The following FANCA variants were observed in gnomAD, a reference collection of about 807,000 sequenced individuals.
FANCA encodes the protein Fanconi anemia group A protein.
FANCA carries 236 observed loss-of-function variants against 194.3 expected under a neutral mutation model. That is an observed-to-expected ratio of 1.21 (90% CI 1.09 to 1.35). The LOEUF (loss-of-function observed/expected upper bound fraction) is 1.35, where lower values mean the gene tolerates loss of function less well. Ranked by LOEUF, FANCA falls within the 40% of genes most tolerant of loss-of-function variation. The pLI is 0.00. For missense variants in FANCA, 2,628 were observed against 1,813.9 expected (o/e 1.45, Z -8.15); for synonymous variants, 1,014 against 715.8 (o/e 1.42, Z -6.65).
intron 1 of FANCA, chr16:89,816,209 G>A (rs2041116292): frequency 7.3e-6 from 4 of 550,288 alleles, no homozygotes; most frequent in Admixed American, 5.6e-5. Flanking sequence ...GGGAGCCCGG[G>A]GACGGCTGGC....
chr16:89,740,599 G>A, intron 38 of FANCA: 3 of 586,806 alleles, frequency 5.1e-6, no homozygotes, highest in Non-Finnish European at 6.1e-6. Context: ...TCACACCACT[G>A]CACTCCAGCC....
In FANCA at chr16:89,792,666, G is replaced by C. The variant is rs186677967; in HGVS notation, c.1007-119C>G. On this transcript the variant is annotated intron_variant, in intron 11 of 42. Transcript: ENST00000389301. ...TCCCCGTGTGCGGCGACGAGAGAGTGTAGAAAGAAAGATACAAGACAAAGA... is the reference window on the plus strand; with the variant it reads ...TCCCCGTGTGCGGCGACGAGAGAGTCTAGAAAGAAAGATACAAGACAAAGA... The C allele has an allele frequency of 5.4e-5, 43 of 790,422 alleles. No individual in the cohort carries two copies. In the South Asian group the frequency reaches 5.7e-4, roughly 11 times the overall value. 49.0% of individuals were successfully genotyped at this position (790,422 alleles called of 1,614,324 possible).
At chr16:89,765,115 G>A in intron 27 of FANCA, 49 bp from the exon 28 acceptor site, 1 of 1,602,956 alleles carries the variant, frequency 6.2e-7, no homozygotes, top group East Asian at 2.2e-5. Flanking sequence ...AAGTTTCACT[G>A]TGAGTGGCTG....
At position 89,767,229 on chromosome 16, in the gene FANCA, G is replaced by A. The variant is rs1216922486; in HGVS notation, c.2513C>T (p.Thr838Ile). 1 of 1,610,434 alleles carries A rather than the reference G, an allele frequency of 6.2e-7. No homozygotes were observed. The highest frequency in any genetic ancestry group is 8.5e-7 in the Non-Finnish European group (1 of 1,176,818). ...DSLFFCLKFCTAAISYSLCKF... is the reference protein window; with the variant it reads ...DSLFFCLKFCIAAISYSLCKF... The stretch of plus-strand genomic sequence containing the variant: ...GCAGAGAGAGTAAGAAATTGCTGCT[G>A]TACAAAATCTGAAAACAGAAATTAT... The change falls in exon 27 of 43, where the codon ACA (threonine) becomes ATA (isoleucine). Residue 838 changes from threonine (T) to isoleucine (I), a missense_variant. Coordinates refer to ENST00000389301, the MANE Select transcript of FANCA (RefSeq NM_000135.4).
chr16:89,738,555 A>C lies in FANCA; in HGVS notation c.*46T>G. On this transcript the variant is annotated 3_prime_UTR_variant, in exon 43 of 43. Transcript: ENST00000389301. Reference sequence around the variant, plus strand: ...AAGAGCTCCATGTTATGCTTGTAATAAATTATTTACACGGGAGCTGGGCTG... The same window carrying C: ...AAGAGCTCCATGTTATGCTTGTAATCAATTATTTACACGGGAGCTGGGCTG... 1.9e-6 allele frequency: 3 copies of C among 1,611,650 alleles called. No individual in the cohort carries two copies. Among genetic ancestry groups the C allele is most frequent in the Non-Finnish European group, 2.5e-6 (3 of 1,179,352 alleles).
chr16:89,743,621 C>T (rs143491667), intron 36 of FANCA, among the ~76,000 whole-genome samples: 17 of 152,014 alleles, frequency 1.1e-4, no homozygotes, highest in South Asian at 4.2e-4. Flanking sequence ...GTCGGGAGTT[C>T]GAGACCAGCC....
At chr16:89,802,236 G>T (rs971994970) in intron 8 of FANCA, among the ~76,000 whole-genome samples, 1 of 150,846 alleles carries the variant, frequency 6.6e-6, no homozygotes, top group African/African-American at 2.4e-5. Flanking sequence ...CTGTAGCTGG[G>T]ACTACAGGCA....
Position 89,752,187 on chromosome 16 carries a change from A to G in FANCA, c.3017T>C (p.Leu1006Ser). The change falls in exon 31 of 43, where the codon TTG becomes TCG. Residue 1006 changes from leucine (L) to serine (S), a missense_variant. Coordinates refer to ENST00000389301, the MANE Select transcript of FANCA (RefSeq NM_000135.4). ...RSYDHSENSD[L>S]VFGGRTGNED... ...ATTTCCTGTGCGGCCACCAAAGACCAAATCAGAATTTTCTGAGTGGTCATA... is the reference window on the plus strand; with the variant it reads ...ATTTCCTGTGCGGCCACCAAAGACCGAATCAGAATTTTCTGAGTGGTCATA... The G allele has an allele frequency of 6.2e-7, 1 of 1,614,180 alleles. No homozygotes were observed. Among genetic ancestry groups the G allele is most frequent in the South Asian group, 1.1e-5 (1 of 91,090 alleles).
chr16:89,773,130 GC>G, intron 22 of FANCA, 140 bp downstream of exon 22: 1 of 723,606 alleles, frequency 1.4e-6, no homozygotes, highest in East Asian at 2.7e-5. Flanking sequence ...ACACCCGCCA[GC>G]CCGGGGTCAA....
rs542064386 is a variant in FANCA at position 89,805,386 on chromosome 16, G to A, written c.603C>T (p.Pro201=). The A allele has an allele frequency of 3.7e-6, 6 of 1,613,188 alleles. No individual in the cohort carries two copies. Among genetic ancestry groups the A allele is most frequent in the African/African-American group, 1.3e-5 (1 of 75,008 alleles). ...GCCACGATCCCACAGCATGCATGTC[G>A]GGATGGCTGGAGACACACACAGAGG... The part of the protein sequence containing the change: ...VSLQELLESH[P]DMHAVGSWLF... Residue 201 remains proline (P), a synonymous_variant, in exon 7 of 43, where the codon CCC becomes CCT. Transcript: ENST00000389301.
At chr16:89,802,106 C>T (rs778283920) in intron 8 of FANCA, among the ~76,000 whole-genome samples, 2 of 152,110 alleles carry the variant, frequency 1.3e-5, no homozygotes, top group African/African-American at 4.8e-5. Flanking sequence ...ATACACACAA[C>T]GGAATACTGG....
intron 24 of FANCA, 31 bp from the exon 25 acceptor site, chr16:89,770,290 T>A (rs1471186296): frequency 6.5e-7 from 1 of 1,531,906 alleles, no homozygotes; most frequent in Non-Finnish European, 8.9e-7. Context: ...CCATCAGTAC[T>A]AGCCATTCAG....
intron 26 of FANCA, among the ~76,000 whole-genome samples, chr16:89,769,051 G>C (rs971043049): frequency 1.1e-4 from 17 of 152,212 alleles, no homozygotes; most frequent in African/African-American, 4.1e-4. Flanking sequence ...CCGCACAGCT[G>C]CCATCTGACT....
chr16:89,769,150 C>T (rs1353405422), intron 26 of FANCA, among the ~76,000 whole-genome samples: 3 of 152,206 alleles, frequency 2.0e-5, no homozygotes, highest in East Asian at 3.8e-4. Context: ...TCCCCTTTCC[C>T]GCACAGGGTC....
At chr16:89,742,124 G>A (rs1458522022) in intron 37 of FANCA, among the ~76,000 whole-genome samples, 3 of 151,896 alleles carry the variant, frequency 2.0e-5, no homozygotes, top group Non-Finnish European at 2.9e-5. Context: ...TTGTAGGTGC[G>A]CACCACCACA....
At position 89,805,326 on chromosome 16, in the gene FANCA, CATCT is replaced by C; in HGVS notation, c.659_662del (p.Gln220ArgfsTer24). 6.2e-7 allele frequency: 1 copy of C among 1,614,030 alleles called. No homozygotes were observed. The highest frequency in any genetic ancestry group is 1.7e-5 in the Admixed American group (1 of 59,992). Reference sequence around the variant, plus strand: ...CGTCAGCATGCTGGCAGGATGCTTCCATCTGTTCACAAAGGCAGCACAGATTCCT... The same window carrying C: ...CGTCAGCATGCTGGCAGGATGCTTCCGTTCACAAAGGCAGCACAGATTCCT... On this transcript the variant is annotated frameshift_variant, in exon 7 of 43. Coordinates refer to ENST00000389301, the MANE Select transcript of FANCA (RefSeq NM_000135.4). LOFTEE classifies it high-confidence loss of function.
Position 89,771,747 on chromosome 16 carries a change from G to A in FANCA, c.2082C>T (p.Asp694=), listed in dbSNP as rs772419333. The change falls in exon 23 of 43, where the codon GAC becomes GAT. Residue 694 remains aspartate (D), a synonymous_variant. Transcript: ENST00000389301. Reference sequence around the variant, plus strand: ...GAATCTTTGATATCTCAACGCTGCTGTCATCCTCATTGTGGCCCAGGACAG... The same window carrying A: ...GAATCTTTGATATCTCAACGCTGCTATCATCCTCATTGTGGCCCAGGACAG... ...LRAVLGHNED[D]SSVEISKIQL... is the part of the protein sequence containing the mutation. The A allele has an allele frequency of 7.4e-6, 12 of 1,614,052 alleles. No individual in the cohort carries two copies. The highest frequency in any genetic ancestry group is 6.7e-5 in the Admixed American group (4 of 59,994).
At chr16:89,739,333 A>T in intron 40 of FANCA, 44 bp from the exon 41 acceptor site, 2 of 1,612,042 alleles carry the variant, frequency 1.2e-6, no homozygotes, top group Non-Finnish European at 1.7e-6. Flanking sequence ...GACTGCTGGA[A>T]AGGTAGCAGG....
At chr16:89,752,364 A>G (rs1448055240) in intron 30 of FANCA, 142 bp from the exon 31 acceptor site, 2 of 761,028 alleles carry the variant, frequency 2.6e-6, no homozygotes, top group East Asian at 2.5e-5. Context: ...ATAAACAACA[A>G]AAACTGCCAC....
Sources: allele counts gnomAD v4.1 joint callset (sites outside exome capture counted in the v4.1 genomes callset), GRCh38; gene constraint gnomAD v4.1.1; transcripts MANE v1.5; gene names NCBI Gene and HGNC (gene_info 2026-07-23, HGNC 2026-07-21).